RIC1: variants seen among roughly 807,000 people sequenced by gnomAD.
RIC1 encodes guanine nucleotide exchange factor subunit RIC1.
A neutral mutation model predicts 169.0 loss-of-function variants in RIC1; 88 were observed. The observed-to-expected ratio is 0.52, with a 90% confidence interval of 0.44 to 0.62. The LOEUF (loss-of-function observed/expected upper bound fraction) is 0.62, where lower values mean the gene tolerates loss of function less well. Among genes scored for constraint, RIC1 ranks in the 20% least tolerant of loss-of-function variants. The probability of loss-of-function intolerance (pLI) is 0.00; values close to 1 mark genes in which losing one functional copy is unlikely to be tolerated. For missense variants in RIC1, 1,877 were observed against 1,725.5 expected, an observed-to-expected ratio of 1.09 and a Z score of -1.56; for synonymous variants, 790 against 601.5, an observed-to-expected ratio of 1.31 and a Z score of -4.59.
chr9:5,757,601 A>C (rs1295971726), intron 17 of RIC1, 150 bp downstream of exon 17: 1 of 755,326 alleles, frequency 1.3e-6, no homozygotes, highest in African/African-American at 1.8e-5. Context: ...CAAATTAAAA[A>C]GACATGGTTT....
In RIC1 at chr9:5,722,409, T is replaced by C. The variant is rs756854848; in HGVS notation, c.720+1659T>C. Among the ~76,000 whole-genome samples, 22 of 151,500 alleles carry C rather than the reference T, an allele frequency of 1.5e-4. 1 individual carries two copies. Among genetic ancestry groups the C allele is most frequent in the Non-Finnish European group, 2.7e-4 (18 of 67,810 alleles). On this transcript the variant is annotated intron_variant, in intron 6 of 25. Coordinates refer to ENST00000414202, the MANE Select transcript of RIC1 (RefSeq NM_020829.4). ...CCTATGCAGTGTATGTGTGGGTCTA[T>C]AGGTATGTATCACACGTCCACATGC...
intron 4 of RIC1, among the ~76,000 whole-genome samples, chr9:5,716,022 A>G (rs143732782): frequency 4.6e-5 from 7 of 151,970 alleles, no homozygotes; most frequent in African/African-American, 1.7e-4. Context: ...TTTGTACTTT[A>G]TTGTAGAGAC....
chr9:5,706,188 G>C (rs963451599), intron 3 of RIC1, among the ~76,000 whole-genome samples: 1 of 152,202 alleles, frequency 6.6e-6, no homozygotes, highest in African/African-American at 2.4e-5. Context: ...TCCGGGGATG[G>C]TGGCTTAACG....
intron 6 of RIC1, among the ~76,000 whole-genome samples, chr9:5,731,936 A>G (rs1019410685): frequency 6.6e-6 from 1 of 152,212 alleles, no homozygotes; most frequent in African/African-American, 2.4e-5. Context: ...AATAGTAAGC[A>G]ATTTTGCTTC....
intron 11 of RIC1, 42 bp downstream of exon 11, chr9:5,746,125 T>G (rs1825363719): frequency 6.5e-7 from 1 of 1,540,414 alleles, no homozygotes; most frequent in African/African-American, 1.4e-5. Flanking sequence ...GTCTTTTGTG[T>G]TAGAAGCTCA....
At chr9:5,723,980 A>C (rs1823784629) in intron 6 of RIC1, among the ~76,000 whole-genome samples, 1 of 152,102 alleles carries the variant, frequency 6.6e-6, no homozygotes, top group African/African-American at 2.4e-5. Flanking sequence ...TATAGTTTGA[A>C]GTCAGGTAGC....
intron 7 of RIC1, among the ~76,000 whole-genome samples, chr9:5,734,410 TA>T (rs1340735823): frequency 6.6e-6 from 1 of 152,128 alleles, no homozygotes; most frequent in Non-Finnish European, 1.5e-5. Flanking sequence ...GGCCCAGTTT[TA>T]AAAATAGATT....
intron 1 of RIC1, among the ~76,000 whole-genome samples, chr9:5,639,833 A>G (rs1282316676): frequency 2.0e-5 from 3 of 152,186 alleles, no homozygotes; most frequent in African/African-American, 7.2e-5. Flanking sequence ...ATATAATGAC[A>G]TTCTTTGTCT....
chr9:5,752,012 T>C (rs1825751983), intron 12 of RIC1, among the ~76,000 whole-genome samples: 1 of 152,228 alleles, frequency 6.6e-6, no homozygotes, highest in South Asian at 2.1e-4. Context: ...GAAGACTCTT[T>C]GTTCAGTTCT....
At chr9:5,651,558 CTTT>C (rs58654916) in intron 1 of RIC1, among the ~76,000 whole-genome samples, 6 of 107,842 alleles carry the variant, frequency 5.6e-5, no homozygotes, top group Non-Finnish European at 9.0e-5. Context: ...AGTCTTTAAT[CTTT>C]TTTTTTTTTT....
chr9:5,641,041 T>A (rs1355352646), intron 1 of RIC1, among the ~76,000 whole-genome samples: 1 of 151,810 alleles, frequency 6.6e-6, no homozygotes, highest in African/African-American at 2.4e-5. Context: ...TTCTTTATCC[T>A]TGATAAAGAA....
At chr9:5,650,317 G>A (rs1027022443) in intron 1 of RIC1, among the ~76,000 whole-genome samples, 3 of 152,036 alleles carry the variant, frequency 2.0e-5, no homozygotes, top group African/African-American at 4.8e-5. Context: ...GTAGGAGTGC[G>A]TATGTGTGAG....
At chr9:5,748,829 G>T (rs186762696) in intron 12 of RIC1, 3 of 152,456 alleles carry the variant, frequency 2.0e-5, no homozygotes, top group Non-Finnish European at 4.4e-5. Context: ...CCATATAAGA[G>T]AAACATTTTA....
At chr9:5,720,908 C>A (rs537267757) in intron 6 of RIC1, among the ~76,000 whole-genome samples, 158 bp downstream of exon 6, 2 of 152,174 alleles carry the variant, frequency 1.3e-5, no homozygotes, top group East Asian at 3.9e-4. Flanking sequence ...AGACAAAATT[C>A]TCTTGGACAT....
At chr9:5,674,057 T>C (rs1254572133) in intron 2 of RIC1, among the ~76,000 whole-genome samples, 2 of 152,160 alleles carry the variant, frequency 1.3e-5, no homozygotes, top group Non-Finnish European at 2.9e-5. Flanking sequence ...TATCATCAGT[T>C]TGGATTTAAA....
intron 3 of RIC1, among the ~76,000 whole-genome samples, chr9:5,708,273 A>C (rs1256461057): frequency 6.6e-6 from 1 of 152,072 alleles, no homozygotes; most frequent in Non-Finnish European, 1.5e-5. Context: ...TTACTGTTTT[A>C]TGCACTTGTC....
intron 2 of RIC1, among the ~76,000 whole-genome samples, chr9:5,683,867 G>A (rs1045709928): frequency 2.6e-5 from 4 of 151,814 alleles, no homozygotes; most frequent in South Asian, 2.1e-4. Flanking sequence ...CCCCAGCCTC[G>A]CTGCCACCTT....
chr9:5,691,320 C>T (rs1214852431), intron 3 of RIC1, among the ~76,000 whole-genome samples: 1 of 151,836 alleles, frequency 6.6e-6, no homozygotes, highest in Non-Finnish European at 1.5e-5. Flanking sequence ...AGTAATTGTT[C>T]CTGAATGGTA....
At chr9:5,695,517 A>G (rs1410276722) in intron 3 of RIC1, among the ~76,000 whole-genome samples, 1 of 150,660 alleles carries the variant, frequency 6.6e-6, no homozygotes, top group Non-Finnish European at 1.5e-5. Context: ...GTAATTCCCA[A>G]TGACACTAGT....
Sources: gnomAD v4.1 joint callset for allele counts (sites outside exome capture counted in the v4.1 genomes callset) on GRCh38, gnomAD v4.1.1 for gene constraint, MANE v1.5 for transcripts, NCBI Gene and HGNC (gene_info 2026-07-23, HGNC 2026-07-21) for gene names.